MAP3K1: variants seen among roughly 807,000 people sequenced by gnomAD.
MAP3K1 encodes MAP/ERK kinase kinase 1.
In MAP3K1, 36 loss-of-function variants were observed where a neutral mutation model predicts 144.2. The observed-to-expected ratio is 0.25, with a 90% CI of 0.19 to 0.33. The LOEUF (loss-of-function observed/expected upper bound fraction) is 0.33. Ranked by LOEUF, MAP3K1 falls within the 10% of genes least tolerant of loss-of-function variation. The pLI is 1.00. For missense variants in MAP3K1, 1,650 were observed against 1,881.9 expected (o/e 0.88, Z 2.28); for synonymous variants, 718 against 688.7 (o/e 1.04, Z -0.67).
chr5:56,866,094 T>A, intron 6 of MAP3K1, 117 bp downstream of exon 6: 1 of 981,600 alleles, frequency 1.0e-6, no homozygotes, highest in South Asian at 1.4e-5. Context: ...GAATCTTGGC[T>A]TTCAAGTTAA....
Position 56,895,175 on chromosome 5 carries a change from G to A in MAP3K1, c.*1495G>A, listed in dbSNP as rs2111978706. 4.3e-6 allele frequency: 1 copy of A among 231,718 alleles called. No individual in the cohort carries two copies. The highest frequency in any genetic ancestry group is 6.1e-5 in the East Asian group (1 of 16,318). 14.4% of individuals were successfully genotyped at this position (231,718 alleles called of 1,614,324 possible). A position where few individuals can be genotyped will look rare whatever the true frequency, so the allele number is the denominator to read the frequency against. Reference sequence around the variant, plus strand: ...AAATTGGAAATAAAATAAGTTACAAGATAAGTTTACAGGGATATATTGCTT... The same window carrying A: ...AAATTGGAAATAAAATAAGTTACAAAATAAGTTTACAGGGATATATTGCTT... On this transcript the variant is annotated 3_prime_UTR_variant, in exon 20 of 20. Transcript: ENST00000399503.
At chr5:56,837,524 A>G (rs1746690198) in intron 1 of MAP3K1, among the ~76,000 whole-genome samples, 1 of 152,142 alleles carries the variant, frequency 6.6e-6, no homozygotes, top group African/African-American at 2.4e-5. Flanking sequence ...GCTTATTTAC[A>G]TCTTGGAGAT....
chr5:56,839,297 A>C (rs1475098776), intron 1 of MAP3K1, among the ~76,000 whole-genome samples: 1 of 152,144 alleles, frequency 6.6e-6, no homozygotes, highest in African/African-American at 2.4e-5. Flanking sequence ...GTTGTGGCTT[A>C]ATTGACTACT....
chr5:56,823,365 C>T (rs1031049286), intron 1 of MAP3K1, among the ~76,000 whole-genome samples: 18 of 152,292 alleles, frequency 1.2e-4, no homozygotes, highest in Non-Finnish European at 1.3e-4. Flanking sequence ...GTCAGCTCCT[C>T]GTTGTTAAAA....
chr5:56,856,178 T>C (rs1188205427), intron 1 of MAP3K1, among the ~76,000 whole-genome samples: 4 of 152,234 alleles, frequency 2.6e-5, no homozygotes, highest in Admixed American at 2.6e-4. Flanking sequence ...TCACTTCACT[T>C]ATTAAATATT....
At chr5:56,893,434 AGGAT>A in intron 19 of MAP3K1, 93 bp from the exon 20 acceptor site, 1 of 1,277,310 alleles carries the variant, frequency 7.8e-7, no homozygotes, top group Non-Finnish European at 1.1e-6. Context: ...CTCTCTGTTC[AGGAT>A]GTAAATGTAA....
chr5:56,854,735 C>T (rs1356298736), intron 1 of MAP3K1, among the ~76,000 whole-genome samples: 1 of 152,108 alleles, frequency 6.6e-6, no homozygotes, highest in Non-Finnish European at 1.5e-5. Context: ...AACTGAAAAT[C>T]CATAGCAGAG....
chr5:56,873,279 G>A (rs1747916422), intron 9 of MAP3K1, among the ~76,000 whole-genome samples: 1 of 152,296 alleles, frequency 6.6e-6, no homozygotes, highest in Non-Finnish European at 1.5e-5. Context: ...TTCAAGGATA[G>A]AAGGATAGAA....
intron 1 of MAP3K1, among the ~76,000 whole-genome samples, chr5:56,824,963 C>T (rs755540558): frequency 7.3e-5 from 11 of 150,888 alleles, no homozygotes; most frequent in Admixed American, 1.3e-4. Context: ...TTTTTTGAGA[C>T]GGAGTCTTAA....
intron 3 of MAP3K1, chr5:56,862,207 G>C (rs144274846): frequency 1.3e-5 from 2 of 152,252 alleles, no homozygotes; most frequent in Non-Finnish European, 2.9e-5. Flanking sequence ...TGGAACACTT[G>C]GGGGGCTGTT....
intron 19 of MAP3K1, among the ~76,000 whole-genome samples, chr5:56,891,762 G>A (rs1748556601): frequency 6.6e-6 from 1 of 152,156 alleles, no homozygotes; most frequent in African/African-American, 2.4e-5. Flanking sequence ...TGGCTAGCCA[G>A]TTTTCCCAGA....
At chr5:56,844,182 G>GTTTTTTTTTTTTTTTTT (rs1561174026) in intron 1 of MAP3K1, among the ~76,000 whole-genome samples, 1 of 108,396 alleles carries the variant, frequency 9.2e-6, no homozygotes. Flanking sequence ...TGTTTTTTTT[G>GTTTTTTTTTTTTTTTTT]GTTTTTTTTT....
intron 1 of MAP3K1, among the ~76,000 whole-genome samples, chr5:56,822,077 G>A (rs1020789156): frequency 6.6e-6 from 1 of 152,166 alleles, no homozygotes; most frequent in Non-Finnish European, 1.5e-5. Flanking sequence ...CTGGAGTGCA[G>A]TGGCGCAATC....
At position 56,882,391 on chromosome 5, in the gene MAP3K1, G is replaced by A. The variant is rs780012235; in HGVS notation, c.3191G>A (p.Arg1064Lys). 13 of 1,613,890 alleles carry A rather than the reference G, an allele frequency of 8.1e-6. No individual in the cohort carries two copies. Among genetic ancestry groups the A allele is most frequent in the African/African-American group, 5.3e-5 (4 of 74,890 alleles). Residue 1064 changes from arginine (R) to lysine (K), a missense_variant, in exon 14 of 20, where the codon AGA becomes AAA. By Grantham distance (26) the Arg-to-Lys change is conservative. Transcript: ENST00000399503. ...AACATACACAGGCCAAAGCCATCTA[G>A]ACCTACCCCAGGTAATACAAGTAAA... is the stretch of plus-strand genomic sequence containing the variant. ...SSNIHRPKPS[R>K]PTPGNTSKQG...
chr5:56,876,201 C>T (rs1335367058), intron 10 of MAP3K1, among the ~76,000 whole-genome samples: 1 of 152,026 alleles, frequency 6.6e-6, no homozygotes, highest in Admixed American at 6.6e-5. Flanking sequence ...GGGATGTTGT[C>T]ATGTGTGTAC....
intron 1 of MAP3K1, among the ~76,000 whole-genome samples, chr5:56,832,529 C>T (rs1431093186): frequency 1.3e-5 from 2 of 152,224 alleles, no homozygotes; most frequent in Admixed American, 6.5e-5. Flanking sequence ...TATGAGAAAT[C>T]AGAGACTGTG....
At chr5:56,846,163 A>G (rs1746991573) in intron 1 of MAP3K1, among the ~76,000 whole-genome samples, 1 of 152,364 alleles carries the variant, frequency 6.6e-6, no homozygotes, top group African/African-American at 2.4e-5. Flanking sequence ...GTTTTCTAAG[A>G]TGATGAATCA....
rs189442408 is a variant in MAP3K1, at chr5:56,873,756, C to T, written c.1686+751C>T. Among the ~76,000 whole-genome samples, 1,095 of 152,240 alleles carry T rather than the reference C, an allele frequency of 7.2e-3. 75 individuals carry two copies. Among genetic ancestry groups the T allele is most frequent in the Admixed American group, 0.067 (1,031 of 15,284 alleles). On this transcript the variant is annotated intron_variant, in intron 9 of 19. Coordinates refer to ENST00000399503, the MANE Select transcript of MAP3K1 (RefSeq NM_005921.2). ...GCATTAACACATTGAGCTTATATAT[C>T]ATTAGGATTTGTTACATTTTTCTTT...
At chr5:56,890,440 A>G (rs776467274) in intron 19 of MAP3K1, among the ~76,000 whole-genome samples, 4 of 152,152 alleles carry the variant, frequency 2.6e-5, no homozygotes, top group Non-Finnish European at 5.9e-5. Context: ...AAGCACCCCA[A>G]AGCTTTCTCA....
Sources: allele counts gnomAD v4.1 joint callset (sites outside exome capture counted in the v4.1 genomes callset), GRCh38; gene constraint gnomAD v4.1.1; transcripts MANE v1.5; gene names NCBI Gene and HGNC (gene_info 2026-07-23, HGNC 2026-07-21).